Variants in FMNL2 observed in about 807,000 individuals in gnomAD.
FMNL2 encodes the protein formin like 2.
In FMNL2, 51 loss-of-function variants were observed where a neutral mutation model predicts 130.2. The observed-to-expected ratio is 0.39, with a 90% confidence interval of 0.31 to 0.49. The LOEUF (loss-of-function observed/expected upper bound fraction) is 0.49. Ranked by LOEUF, FMNL2 falls within the 20% of genes least tolerant of loss-of-function variation. The pLI, the probability that FMNL2 is intolerant of heterozygous loss-of-function variation, is 0.85. For synonymous variants in FMNL2, 465 were observed against 467.1 expected, an observed-to-expected ratio of 1.00 and a Z score of 0.06; for missense variants, 977 against 1,316.2, an observed-to-expected ratio of 0.74 and a Z score of 3.99.
At chr2:152,430,180 A>G (rs541339980) in intron 1 of FMNL2, among the ~76,000 whole-genome samples, 2 of 152,362 alleles carry the variant, frequency 1.3e-5, no homozygotes, top group Non-Finnish European at 2.9e-5. Context: ...CACTTGCAAA[A>G]TAAAGTGGTT....
rs376325412 is a variant in FMNL2, at chr2:152,575,958, C to G, written c.705+714C>G. Among the ~76,000 whole-genome samples the G allele has an allele frequency of 6.6e-4, 100 of 152,212 alleles. 1 individual carries two copies. In the South Asian group the frequency reaches 0.021, roughly 31 times the overall value. ...TGGAAGTTACGGTGGAACACGTGTG[C>G]TGGGTTAATCTTAACAACAAAGTGG... On this transcript the variant is annotated intron_variant, in intron 7 of 25. Coordinates refer to ENST00000288670, the MANE Select transcript of FMNL2 (RefSeq NM_052905.4).
Position 152,611,521 on chromosome 2 carries a change from TGTA to T in FMNL2, c.981_983del (p.Val328del). On this transcript the variant is annotated inframe_deletion, in exon 11 of 26. Transcript: ENST00000288670. ...TGGCTTCTATGCAGTTTATTAATAT[TGTA>T]GTCCATTCAGTAGAAGATATGAATT... 6.3e-7 allele frequency: 1 copy of T among 1,595,450 alleles called. No individual in the cohort carries two copies.
chr2:152,620,278 C>T (rs1015015444), intron 15 of FMNL2, among the ~76,000 whole-genome samples: 11 of 152,068 alleles, frequency 7.2e-5, no homozygotes, highest in African/African-American at 2.7e-4. Flanking sequence ...TGCCAACAGC[C>T]GTATTATCAT....
intron 9 of FMNL2, among the ~76,000 whole-genome samples, chr2:152,581,356 G>A (rs1696769347): frequency 6.6e-6 from 1 of 152,108 alleles, no homozygotes. Context: ...GGTTTTCATT[G>A]GGGTTGATAT....
At chr2:152,424,506 T>C (rs1278253465) in intron 1 of FMNL2, among the ~76,000 whole-genome samples, 2 of 151,942 alleles carry the variant, frequency 1.3e-5, no homozygotes, top group Non-Finnish European at 2.9e-5. Flanking sequence ...TTCTCCTGCC[T>C]CAGCCTCCCG....
intron 3 of FMNL2, among the ~76,000 whole-genome samples, chr2:152,543,167 C>G (rs1694405972): frequency 6.6e-6 from 1 of 152,190 alleles, no homozygotes. Flanking sequence ...GTTTTTTATG[C>G]CTTGGTGCAT....
chr2:152,347,774 T>C (rs1682209956), intron 1 of FMNL2, among the ~76,000 whole-genome samples: 1 of 152,168 alleles, frequency 6.6e-6, no homozygotes, highest in South Asian at 2.1e-4. Flanking sequence ...TATTAATAGA[T>C]AAAATTTGAG....
chr2:152,551,887 G>A (rs371473082), intron 4 of FMNL2, among the ~76,000 whole-genome samples: 10 of 152,146 alleles, frequency 6.6e-5, no homozygotes, highest in East Asian at 1.9e-4. Context: ...ACAATGTCAC[G>A]TACCTGTAAT....
chr2:152,586,152 A>G (rs1697064497), intron 9 of FMNL2, among the ~76,000 whole-genome samples: 1 of 152,166 alleles, frequency 6.6e-6, no homozygotes, highest in Non-Finnish European at 1.5e-5. Context: ...TGGCTTTAGC[A>G]AAAAAGCCTG....
chr2:152,458,058 G>T (rs1689051055), intron 1 of FMNL2, among the ~76,000 whole-genome samples: 1 of 152,128 alleles, frequency 6.6e-6, no homozygotes, highest in Non-Finnish European at 1.5e-5. Flanking sequence ...TATCTGCAAA[G>T]TCTCCTTTGC....
chr2:152,488,487 A>G (rs889586531), intron 1 of FMNL2, among the ~76,000 whole-genome samples: 4 of 152,244 alleles, frequency 2.6e-5, no homozygotes, highest in African/African-American at 9.6e-5. Flanking sequence ...CTGAGATAAC[A>G]TATAATTTAT....
At chr2:152,637,296 G>A (rs545054285) in intron 22 of FMNL2, among the ~76,000 whole-genome samples, 4 of 152,318 alleles carry the variant, frequency 2.6e-5, no homozygotes, top group South Asian at 2.1e-4. Flanking sequence ...GGGTGTGTGC[G>A]TGTGCATGCA....
At chr2:152,470,434 G>A (rs1579742953) in intron 1 of FMNL2, among the ~76,000 whole-genome samples, 1 of 152,294 alleles carries the variant, frequency 6.6e-6, no homozygotes, top group South Asian at 2.1e-4. Context: ...TGCTGTCTAC[G>A]ATTTGTCAAC....
intron 9 of FMNL2, among the ~76,000 whole-genome samples, chr2:152,600,898 G>A (rs977636832): frequency 6.6e-6 from 1 of 152,116 alleles, no homozygotes; most frequent in African/African-American, 2.4e-5. Flanking sequence ...TGACCTTTAT[G>A]TTTGGTATTC....
At chr2:152,525,572 C>T (rs1232861363) in intron 2 of FMNL2, among the ~76,000 whole-genome samples, 2 of 152,128 alleles carry the variant, frequency 1.3e-5, no homozygotes, top group South Asian at 2.1e-4. Context: ...AAGGGCCCAA[C>T]GGAAGGGTGA....
At chr2:152,645,592 T>C (rs1481089239) in intron 25 of FMNL2, 1 of 1,034,626 alleles carries the variant, frequency 9.7e-7, no homozygotes, top group Non-Finnish European at 1.3e-6. Context: ...TTTCAATCTA[T>C]GGCTGAGGGT....
intron 2 of FMNL2, among the ~76,000 whole-genome samples, chr2:152,523,561 G>T (rs1051068605): frequency 2.6e-5 from 4 of 152,154 alleles, no homozygotes; most frequent in African/African-American, 9.7e-5. Context: ...GGTGAACAAA[G>T]ATTATTCTTG....
intron 1 of FMNL2, among the ~76,000 whole-genome samples, chr2:152,417,251 G>A (rs1686666031): frequency 6.6e-6 from 1 of 152,106 alleles, no homozygotes; most frequent in South Asian, 2.1e-4. Context: ...GCTCCTTTAG[G>A]GCCAGTGATT....
At chr2:152,589,997 G>GTATGTATATGTA (rs1558988503) in intron 9 of FMNL2, among the ~76,000 whole-genome samples, 4 of 65,988 alleles carry the variant, frequency 6.1e-5, no homozygotes, top group African/African-American at 1.2e-4. Flanking sequence ...ATATGTATAT[G>GTATGTATATGTA]TATATATATA....
Sources: allele counts gnomAD v4.1 joint callset (sites outside exome capture counted in the v4.1 genomes callset), GRCh38; gene constraint gnomAD v4.1.1; transcripts MANE v1.5; gene names NCBI Gene and HGNC (gene_info 2026-07-23, HGNC 2026-07-21).